ZNF143: variants seen among roughly 807,000 people sequenced by gnomAD.
ZNF143 encodes the protein zinc finger protein 143, also known as SPH-binding factor.
In ZNF143, 49 loss-of-function variants were observed where a neutral mutation model predicts 74.1. That is an observed-to-expected ratio of 0.66 (90% CI 0.53 to 0.84). ZNF143 has a LOEUF of 0.84. ZNF143 is among the 40% of genes least tolerant of loss of function. ZNF143 has a pLI of 0.00. For synonymous variants in ZNF143, 304 were observed against 282.8 expected (o/e 1.07, Z -0.75); for missense variants, 637 against 793.4 (o/e 0.80, Z 2.37).
rs1159170968 is a variant in ZNF143, at chr11:9,505,118, C to T, written c.1148-3501C>T. ...CCTCCTGAGTAGCTGGGACTACAGG[C>T]GCATACCACCATGCCCAGCTAATTT... On this transcript the variant is annotated intron_variant, in intron 11 of 15. Transcript: ENST00000396602. Among the ~76,000 whole-genome samples the T allele has an allele frequency of 5.8e-5, 7 of 120,798 alleles. 1 individual carries two copies. The highest frequency in any genetic ancestry group is 1.6e-4 in the African/African-American group (6 of 37,800). 79.2% of individuals were successfully genotyped at this position (120,798 alleles called of 152,430 possible).
At chr11:9,526,700 C>G (rs1317447401) in intron 15 of ZNF143, among the ~76,000 whole-genome samples, 2 of 151,968 alleles carry the variant, frequency 1.3e-5, no homozygotes, top group South Asian at 4.2e-4. Context: ...CCTCAGCCTC[C>G]CAAAGTGCTA....
chr11:9,466,921 T>A, intron 1 of ZNF143, among the ~76,000 whole-genome samples: 1 of 151,204 alleles, frequency 6.6e-6, no homozygotes, highest in African/African-American at 2.4e-5. Context: ...TGACACAGAG[T>A]CTCTCTGTGT....
At chr11:9,472,194 G>T (rs1295493200) in intron 2 of ZNF143, among the ~76,000 whole-genome samples, 6 of 152,094 alleles carry the variant, frequency 3.9e-5, no homozygotes, top group Non-Finnish European at 5.9e-5. Context: ...CTCCAAAAGT[G>T]CTGGGATTAC....
chr11:9,478,541 A>C lies in ZNF143; in HGVS notation c.525A>C (p.Thr175=). The C allele has an allele frequency of 1.9e-6, 3 of 1,614,202 alleles. No homozygotes were observed. The highest frequency in any genetic ancestry group is 2.5e-6 in the Non-Finnish European group (3 of 1,180,044). ...TVAGLHTGDA[T]IDPDTISALE... ...CAGGTCTGCACACTGGGGATGCTAC[A>C]ATTGACCCTGACACCATCAGTGCTT... Residue 175 remains threonine, a synonymous_variant, in exon 6 of 16, where the codon ACA becomes ACC. Coordinates refer to ENST00000396602, the MANE Select transcript of ZNF143 (RefSeq NM_003442.6).
chr11:9,522,476 G>A (rs1262984335), intron 14 of ZNF143, among the ~76,000 whole-genome samples: 1 of 152,150 alleles, frequency 6.6e-6, no homozygotes, highest in African/African-American at 2.4e-5. Context: ...ACAAGTTGCT[G>A]GGAATCTATT....
In ZNF143 at chr11:9,465,729, C is replaced by T. The variant is rs1051488876; in HGVS notation, c.-8+4653C>T. Among the ~76,000 whole-genome samples the T allele has an allele frequency of 7.3e-5, 11 of 151,478 alleles. 1 individual carries two copies. In the South Asian group the frequency reaches 1.5e-3, roughly 20 times the overall value. On this transcript the variant is annotated intron_variant, in intron 1 of 15. Coordinates refer to ENST00000396602, the MANE Select transcript of ZNF143 (RefSeq NM_003442.6). ...GTTTCACCTGACCTCATAATCTGCCCGTCTTGGCCTCCCAAAGGACTTATT... is the reference window on the plus strand; with the variant it reads ...GTTTCACCTGACCTCATAATCTGCCTGTCTTGGCCTCCCAAAGGACTTATT...
intron 14 of ZNF143, among the ~76,000 whole-genome samples, chr11:9,519,397 C>T (rs943938639): frequency 2.6e-5 from 4 of 152,256 alleles, no homozygotes; most frequent in African/African-American, 7.2e-5. Context: ...CTGCCCGCCT[C>T]GGCCTCCCAA....
chr11:9,506,280 C>G (rs565126085), intron 11 of ZNF143, among the ~76,000 whole-genome samples: 1 of 152,286 alleles, frequency 6.6e-6, no homozygotes, highest in East Asian at 1.9e-4. Context: ...TGCAGTGAGT[C>G]GAGATCACAC....
intron 14 of ZNF143, among the ~76,000 whole-genome samples, chr11:9,517,984 A>G (rs776269265): frequency 5.9e-5 from 9 of 152,210 alleles, no homozygotes; most frequent in Admixed American, 1.3e-4. Flanking sequence ...ATATACACAC[A>G]CTATATTGAA....
intron 12 of ZNF143, among the ~76,000 whole-genome samples, chr11:9,512,202 C>G (rs1346352215): frequency 2.6e-5 from 4 of 152,066 alleles, no homozygotes; most frequent in African/African-American, 9.7e-5. Context: ...TAAAACAGGT[C>G]CCTGAAAATC....
intron 14 of ZNF143, among the ~76,000 whole-genome samples, chr11:9,522,065 C>CAAAA (rs34484384): frequency 3.1e-5 from 3 of 97,556 alleles, no homozygotes; most frequent in African/African-American, 4.6e-5. Flanking sequence ...GACCCTGTCT[C>CAAAA]AAAAAAAAAA....
At chr11:9,483,401 A>T (rs115009526) in intron 7 of ZNF143, among the ~76,000 whole-genome samples, 3 of 142,636 alleles carry the variant, frequency 2.1e-5, no homozygotes, top group African/African-American at 8.1e-5. Flanking sequence ...CAGTTCAAGC[A>T]GTTCTCCTGC....
intron 3 of ZNF143, among the ~76,000 whole-genome samples, chr11:9,473,362 G>C (rs1249411167): frequency 1.4e-5 from 2 of 147,534 alleles, no homozygotes; most frequent in African/African-American, 2.5e-5. Context: ...TTGCACTCCG[G>C]CCTGGGCAAC....
At chr11:9,486,330 C>T (rs1185588310) in intron 7 of ZNF143, among the ~76,000 whole-genome samples, 2 of 81,166 alleles carry the variant, frequency 2.5e-5, no homozygotes, top group African/African-American at 4.9e-5. Context: ...TGGTCCTAGG[C>T]GCTAATTATA....
chr11:9,512,624 T>TC (rs1385791697), intron 13 of ZNF143, 28 bp downstream of exon 13: 1 of 1,609,952 alleles, frequency 6.2e-7, no homozygotes, highest in South Asian at 1.1e-5. Context: ...GCCAAACAAA[T>TC]TAAATCTTTC....
chr11:9,524,296 C>T (rs1354356040), intron 14 of ZNF143, among the ~76,000 whole-genome samples: 4 of 152,122 alleles, frequency 2.6e-5, no homozygotes, highest in Non-Finnish European at 5.9e-5. Flanking sequence ...TAGTTTCTTC[C>T]TGCTTGTCAT....
At chr11:9,477,223 T>TCCCTCCTTTCCCTCCTCTCCCTC (rs1393207957) in intron 5 of ZNF143, among the ~76,000 whole-genome samples, 66 of 119,684 alleles carry the variant, frequency 5.5e-4, no homozygotes, top group South Asian at 6.1e-4. Context: ...TTCCTTCCCT[T>TCCCTCCTTTCCCTCCTCTCCCTC]CCTTCCCTTC....
intron 3 of ZNF143, 88 bp downstream of exon 3, chr11:9,472,857 A>G (rs1037842261): frequency 1.9e-5 from 16 of 846,784 alleles, no homozygotes; most frequent in South Asian, 2.2e-5. Flanking sequence ...CACCTTTCCT[A>G]TGTCTCCTAA....
rs575575922 is a variant in ZNF143, at chr11:9,461,538, G to T, written c.-8+462G>T. 3 of 152,288 alleles carry T rather than the reference G, an allele frequency of 2.0e-5. No homozygotes were observed. In the South Asian group the frequency reaches 6.2e-4, roughly 32 times the overall value. 9.4% of individuals were successfully genotyped at this position (152,288 alleles called of 1,614,324 possible). The stretch of plus-strand genomic sequence containing the variant: ...ACCAGGCCGCAGCGGGGGCGCCGGG[G>T]ACAGGGCTGGCCCAGGCCCTCCCAG... On this transcript the variant is annotated intron_variant, in intron 1 of 15. Transcript: ENST00000396602.
Sources: allele counts gnomAD v4.1 joint callset (sites outside exome capture counted in the v4.1 genomes callset), GRCh38; gene constraint gnomAD v4.1.1; transcripts MANE v1.5; gene names NCBI Gene and HGNC (gene_info 2026-07-23, HGNC 2026-07-21).